DLG5: variants seen among roughly 807,000 people sequenced by gnomAD.
The protein encoded by DLG5 is discs large MAGUK scaffold protein 5, also known as disks large homolog 5.
In DLG5, 48 loss-of-function variants were observed where a neutral mutation model predicts 189.8. The observed-to-expected ratio is 0.25, with a 90% CI of 0.20 to 0.32. The LOEUF is 0.32. Among genes scored for constraint, DLG5 ranks in the 10% least tolerant of loss-of-function variants. The pLI is 1.00. For missense variants in DLG5, 2,160 were observed against 2,544.7 expected, an observed-to-expected ratio of 0.85 and a Z score of 3.25; for synonymous variants, 1,016 against 1,054.1, an observed-to-expected ratio of 0.96 and a Z score of 0.70.
intron 1 of DLG5, chr10:77,912,585 C>T (rs1846255967): frequency 6.6e-6 from 1 of 152,220 alleles, no homozygotes; most frequent in Admixed American, 6.5e-5. Flanking sequence ...CCACTGCTCA[C>T]TGCAATTGAC....
intron 9 of DLG5, among the ~76,000 whole-genome samples, chr10:77,831,197 G>T (rs1408921419): frequency 6.6e-6 from 1 of 152,140 alleles, no homozygotes; most frequent in African/African-American, 2.4e-5. Context: ...CAGAAGTCAG[G>T]AGTTTGAGAC....
intron 27 of DLG5, among the ~76,000 whole-genome samples, chr10:77,802,292 C>G (rs79655894): frequency 0.015 from 2,243 of 152,274 alleles, 63 homozygotes; most frequent in African/African-American, 0.051. Flanking sequence ...GGAATGATAT[C>G]TTTAAAGCAC....
rs781090834 is a variant in DLG5, at chr10:77,926,253, C to G, written c.268G>C (p.Gly90Arg). ...GCGGGCTGCGGCGGCCCGACGACGC[C>G]GTTCAGGTAGAGAATGGGCAGCAGG... ...PHLLPILYLN[G>R]VVGPPQPAEG... Residue 90 changes from glycine to arginine, a missense_variant, in exon 1 of 32, where the codon GGC (glycine) becomes CGC (arginine). Transcript: ENST00000372391. This position sits in a 1 kb window ranked among gnomAD's most constrained non-coding sequence, Gnocchi z 5.2. 9.1e-6 allele frequency: 14 copies of G among 1,546,676 alleles called. No homozygotes were observed. In the South Asian group the frequency reaches 1.3e-4, roughly 15 times the overall value.
chr10:77,906,928 G>C (rs946983508), intron 1 of DLG5, among the ~76,000 whole-genome samples: 4 of 151,980 alleles, frequency 2.6e-5, no homozygotes, highest in Non-Finnish European at 5.9e-5. Context: ...GCCTGGCCCA[G>C]AGCTCCACTT....
chr10:77,905,734 AC>A (rs777448197), intron 1 of DLG5, among the ~76,000 whole-genome samples: 1 of 152,126 alleles, frequency 6.6e-6, no homozygotes, highest in Non-Finnish European at 1.5e-5. Context: ...CAAAGACAGC[AC>A]TAGGATGGGA....
chr10:77,848,599 G>A lies in DLG5; in HGVS notation c.864+4755C>T, dbSNP rs1446489460. Among the ~76,000 whole-genome samples the A allele has an allele frequency of 2.0e-5, 3 of 152,004 alleles. No homozygotes were observed. The East Asian group carries it at 5.8e-4, about 29-fold the overall frequency. On this transcript the variant is annotated intron_variant, in intron 5 of 31. Transcript: ENST00000372391. ...ATGGGAAGATGTTGACCACCAAGAC[G>A]CTCCACACAGAATTCGATTAACACC...
chr10:77,869,075 C>T, intron 2 of DLG5, 54 bp downstream of exon 2: 1 of 1,525,846 alleles, frequency 6.6e-7, no homozygotes, highest in South Asian at 1.1e-5. Context: ...GCTGCCTTGG[C>T]TTTCACCCAG....
At chr10:77,840,524 C>G (rs1358348511) in intron 7 of DLG5, among the ~76,000 whole-genome samples, 2 of 152,176 alleles carry the variant, frequency 1.3e-5, no homozygotes, top group Admixed American at 1.3e-4. Flanking sequence ...TCGAGACCAG[C>G]CTGGCCAACA....
At chr10:77,794,147 C>T in intron 30 of DLG5, 30 bp from the exon 31 acceptor site, 1 of 1,586,354 alleles carries the variant, frequency 6.3e-7, no homozygotes, top group Non-Finnish European at 8.7e-7. Context: ...CCAGGCTGAG[C>T]ACTGAGCCTC....
intron 1 of DLG5, among the ~76,000 whole-genome samples, chr10:77,884,166 G>T (rs556286678): frequency 6.6e-6 from 1 of 152,296 alleles, no homozygotes; most frequent in African/African-American, 2.4e-5. Context: ...GGGGTGGAGG[G>T]AGCCTGGAGG....
Position 77,805,532 on chromosome 10 carries a change from G to T in DLG5, c.5164+133C>A, listed in dbSNP as rs984421812. 3.9e-5 allele frequency: 41 copies of T among 1,055,674 alleles called. 1 individual carries two copies. The African/African-American group carries it at 5.8e-4, about 15-fold the overall frequency. 65.4% of individuals were successfully genotyped at this position (1,055,674 alleles called of 1,614,324 possible). ...GATGGCAGCACCCCCCGACCAAGCC[G>T]AACACACACCTTCAGACTTGCGCAC... On this transcript the variant is annotated intron_variant, in intron 27 of 31. Transcript: ENST00000372391.
intron 8 of DLG5, among the ~76,000 whole-genome samples, chr10:77,835,009 A>G (rs1214676311): frequency 7.4e-6 from 1 of 135,118 alleles, no homozygotes; most frequent in Non-Finnish European, 1.7e-5. Flanking sequence ...CCACCACCAT[A>G]GCCTCTCCTG....
In DLG5 at chr10:77,816,409, C is replaced by T; in HGVS notation, c.4025+142G>A. On this transcript the variant is annotated intron_variant, in intron 20 of 31. Coordinates refer to ENST00000372391, the MANE Select transcript of DLG5 (RefSeq NM_004747.4). Reference sequence around the variant, plus strand: ...TGCATCCAGTGCCCCATGGCACTTACTGGTGACACCAGCAAATGCTGGGAC... The same window carrying T: ...TGCATCCAGTGCCCCATGGCACTTATTGGTGACACCAGCAAATGCTGGGAC... 3.0e-6 allele frequency: 4 copies of T among 1,324,016 alleles called. No homozygotes were observed. In the South Asian group the frequency reaches 4.0e-5, roughly 13 times the overall value. 82.0% of individuals were successfully genotyped at this position (1,324,016 alleles called of 1,614,324 possible). A position where few individuals can be genotyped will look rare whatever the true frequency, so the allele number is the denominator to read the frequency against.
chr10:77,906,364 T>C (rs1203500027), intron 1 of DLG5, among the ~76,000 whole-genome samples: 1 of 152,230 alleles, frequency 6.6e-6, no homozygotes, highest in Non-Finnish European at 1.5e-5. Context: ...CAAACCTGAC[T>C]GAACCGTACC....
intron 17 of DLG5, among the ~76,000 whole-genome samples, chr10:77,818,748 A>G (rs1166327247): frequency 6.7e-6 from 1 of 148,436 alleles, no homozygotes; most frequent in Admixed American, 6.7e-5. Context: ...GACTGCCTTC[A>G]TAGCCTCTTG....
chr10:77,895,776 G>A (rs1421820023), intron 1 of DLG5, among the ~76,000 whole-genome samples: 5 of 152,148 alleles, frequency 3.3e-5, no homozygotes, highest in South Asian at 4.2e-4. Context: ...TTGGGAGGCC[G>A]AGGCAGGCGG....
chr10:77,876,864 C>G (rs1309765831), intron 1 of DLG5, among the ~76,000 whole-genome samples: 1 of 142,822 alleles, frequency 7.0e-6, no homozygotes. Flanking sequence ...GCCGAGCTCT[C>G]TGTCCATTCT....
intron 5 of DLG5, among the ~76,000 whole-genome samples, chr10:77,846,019 C>T (rs933785402): frequency 4.7e-5 from 7 of 150,024 alleles, no homozygotes; most frequent in Admixed American, 6.6e-5. Context: ...CCGAGGTAGG[C>T]GGATCACCTG....
At chr10:77,904,735 CTG>C (rs1564588362) in intron 1 of DLG5, among the ~76,000 whole-genome samples, 1 of 151,146 alleles carries the variant, frequency 6.6e-6, no homozygotes. Context: ...CCATGTGGAA[CTG>C]TAAGTCAAAT....
Sources: gnomAD v4.1 joint callset for allele counts (sites outside exome capture counted in the v4.1 genomes callset) on GRCh38, gnomAD v4.1.1 for gene constraint, Gnocchi (gnomAD v3.1) non-coding constraint, MANE v1.5 for transcripts, NCBI Gene and HGNC (gene_info 2026-07-23, HGNC 2026-07-21) for gene names.